The following DOK2 variants were observed in gnomAD, a reference collection of about 807,000 sequenced individuals.
DOK2 encodes the protein docking protein 2, 56kD.
DOK2 carries 28 observed loss-of-function variants against 26.0 expected under a neutral mutation model. That is an observed-to-expected ratio of 1.08 (90% CI 0.80 to 1.48). DOK2 has a LOEUF of 1.48. Among genes scored for constraint, DOK2 ranks in the 40% most tolerant of loss-of-function variants. DOK2 has a pLI of 0.00. For synonymous variants in DOK2, 282 were observed against 236.9 expected (o/e 1.19, Z -1.75); for missense variants, 682 against 558.2 (o/e 1.22, Z -2.23).
At chr8:21,911,189 C>G in intron 3 of DOK2, 1 of 301,946 alleles carries the variant, frequency 3.3e-6, no homozygotes, top group Admixed American at 4.7e-5. Flanking sequence ...AGCCACCACC[C>G]TAGTCCCTAC....
At chr8:21,911,788 A>T in intron 3 of DOK2, 113 bp downstream of exon 3, 1 of 1,192,198 alleles carries the variant, frequency 8.4e-7, no homozygotes, top group Non-Finnish European at 1.1e-6. Context: ...CAGGCTGGGG[A>T]TAACCACAAG....
intron 3 of DOK2, chr8:21,911,143 G>C (rs1809829284): frequency 6.9e-6 from 3 of 432,980 alleles, no homozygotes; most frequent in Non-Finnish European, 1.2e-5. Context: ...CAGAGCCACA[G>C]TCTTGTCTTC....
chr8:21,909,483 A>G lies in DOK2; in HGVS notation c.1067T>C (p.Leu356Pro). ...CCGGGGCTCCTGCGGGCTGTCATAG[A>G]GGGACAGGGCAGCCACTCCCTCGGG... is the stretch of plus-strand genomic sequence containing the variant. ...DEPEGVAALSLYDSPQEPRGE... is the reference protein window; with the variant it reads ...DEPEGVAALSPYDSPQEPRGE... Residue 356 changes from leucine (L) to proline (P), a missense_variant, in exon 5 of 5, where the codon CTC becomes CCC. Leu to Pro is a moderately conservative substitution (Grantham distance 98, BLOSUM62 -3). Coordinates refer to ENST00000276420, the MANE Select transcript of DOK2 (RefSeq NM_003974.4). 1 of 1,613,900 alleles carries G rather than the reference A, an allele frequency of 6.2e-7. No homozygotes were observed. Among genetic ancestry groups the G allele is most frequent in the South Asian group, 1.1e-5 (1 of 91,078 alleles).
rs780288303 is a variant in DOK2 at position 21,912,560 on chromosome 8, G to A, written c.64-50C>T. 14 of 1,450,336 alleles carry A rather than the reference G, an allele frequency of 9.7e-6. No individual in the cohort carries two copies. In the South Asian group the frequency reaches 1.4e-4, roughly 15 times the overall value. The allele number at this position is 1,450,336 out of a possible 1,614,324, so 89.8% of individuals were successfully genotyped here. On this transcript the variant is annotated intron_variant, in intron 1 of 4. Coordinates refer to ENST00000276420, the MANE Select transcript of DOK2 (RefSeq NM_003974.4). The stretch of plus-strand genomic sequence containing the variant: ...GGGCGGGAGGGAGCCACCCAGAGAC[G>A]GGGAGATCGTGAGCCAAGGGGAGAA...
rs183166963 is a variant in DOK2 at position 21,913,512 on chromosome 8, C to T, written c.63+27G>A. 9.3e-6 allele frequency: 15 copies of T among 1,613,706 alleles called. No homozygotes were observed. The Middle Eastern group carries it at 5.0e-4, about 53-fold the overall frequency. On this transcript the variant is annotated intron_variant, in intron 1 of 4. Coordinates refer to ENST00000276420, the MANE Select transcript of DOK2 (RefSeq NM_003974.4). Reference sequence around the variant, plus strand: ...TCTAGCAGCCTCCCAGGCCCCCTGCCCAACCCCAGCCCAGCCTCACTCCTA... The same window carrying T: ...TCTAGCAGCCTCCCAGGCCCCCTGCTCAACCCCAGCCCAGCCTCACTCCTA...
chr8:21,911,225 G>T (rs944870137), intron 3 of DOK2: 1 of 243,552 alleles, frequency 4.1e-6, no homozygotes, highest in African/African-American at 2.3e-5. Context: ...TGAAGCCTTG[G>T]CCCTGCCCTC....
chr8:21,909,594 G>T lies in DOK2; in HGVS notation c.956C>A (p.Ala319Glu), dbSNP rs545414060. Reference protein sequence around the residue: ...SLGKNFRGILAVPPQLLADPL... With the variant: ...SLGKNFRGILEVPPQLLADPL... ...GTCGGCCAGGAGCTGAGGAGGGACT[G>T]CCAAGATGCCCCTGAAGTTCTTCCC... Residue 319 changes from alanine (A) to glutamate (E), a missense_variant, in exon 5 of 5, where the codon GCA (alanine) becomes GAA (glutamate). Coordinates refer to ENST00000276420, the MANE Select transcript of DOK2 (RefSeq NM_003974.4). The T allele has an allele frequency of 5.0e-6, 8 of 1,614,002 alleles. No homozygotes were observed. The Admixed American group carries it at 1.0e-4, about 20-fold the overall frequency.
At chr8:21,912,540 G>C (rs765331663) in intron 1 of DOK2, 30 bp from the exon 2 acceptor site, 2 of 1,469,976 alleles carry the variant, frequency 1.4e-6, no homozygotes, top group Non-Finnish European at 1.8e-6. Context: ...GGCGGGGGCG[G>C]GAGGGAGCCA....
chr8:21,912,036 C>T, intron 2 of DOK2, 48 bp from the exon 3 acceptor site: 2 of 1,528,428 alleles, frequency 1.3e-6, no homozygotes, highest in South Asian at 1.2e-5. Flanking sequence ...TCCCCAGGCC[C>T]CCCTCTGGCC....
At position 21,909,966 on chromosome 8, in the gene DOK2, C is replaced by G. The variant is rs758465551; in HGVS notation, c.619-35G>C. ...GGAGAAAGCAGGTTATTGGCCAGGC[C>G]ACAGGGCAGGGGTGCATTTTTTTTT... On this transcript the variant is annotated intron_variant, in intron 4 of 4. Transcript: ENST00000276420. The G allele has an allele frequency of 3.8e-6, 6 of 1,576,800 alleles. No individual in the cohort carries two copies. The South Asian group carries it at 6.9e-5, about 18-fold the overall frequency.
intron 1 of DOK2, among the ~76,000 whole-genome samples, chr8:21,912,886 G>C (rs1346744221): frequency 6.6e-6 from 1 of 152,212 alleles, no homozygotes; most frequent in Non-Finnish European, 1.5e-5. Context: ...GGAGTGAGGA[G>C]GGCGGCGTGT....
At chr8:21,913,451 GT>G in intron 1 of DOK2, 87 bp downstream of exon 1, 1 of 1,528,024 alleles carries the variant, frequency 6.5e-7, no homozygotes. Flanking sequence ...ACCTATAAGG[GT>G]TTTGAATATG....
chr8:21,912,012 A>T lies in DOK2; in HGVS notation c.346-24T>A, dbSNP rs889127563. On this transcript the variant is annotated intron_variant, in intron 2 of 4. Transcript: ENST00000276420. ...CCCTAGGGAGGAGGCGCCCCGTCTC[A>T]TCACCTTCCCCGATCCCCAGGCCCC... 1.0e-5 allele frequency: 16 copies of T among 1,541,576 alleles called. No individual in the cohort carries two copies. In the African/African-American group the frequency reaches 2.2e-4, roughly 21 times the overall value.
rs1205035075 is a variant in DOK2, at chr8:21,913,678, G to A, written c.-77C>T. On this transcript the variant is annotated 5_prime_UTR_variant, in exon 1 of 5. Coordinates refer to ENST00000276420, the MANE Select transcript of DOK2 (RefSeq NM_003974.4). ...CTTGCCTCTCTCTTCTTAGCCGTGT[G>A]TTTCCCTTCTCTGAAGTTCATTTCC... is the stretch of plus-strand genomic sequence containing the variant. The A allele has an allele frequency of 1.3e-5, 20 of 1,547,560 alleles. No individual in the cohort carries two copies. Among genetic ancestry groups the A allele is most frequent in the Non-Finnish European group, 1.8e-5 (20 of 1,123,614 alleles).
At position 21,909,711 on chromosome 8, in the gene DOK2, G is replaced by T; in HGVS notation, c.839C>A (p.Pro280Gln). 2 of 1,613,356 alleles carry T rather than the reference G, an allele frequency of 1.2e-6. No individual in the cohort carries two copies. The highest frequency in any genetic ancestry group is 1.7e-6 in the Non-Finnish European group (2 of 1,180,012). ...AGGCACCGGTGTGGTGGGTGAAGGCGGCGGCAGTGAGTCATGCGGCCGAGA... is the reference window on the plus strand; with the variant it reads ...AGGCACCGGTGTGGTGGGTGAAGGCTGCGGCAGTGAGTCATGCGGCCGAGA... Reference protein sequence around the residue: ...PYSRPHDSLPPPSPTTPVPAP... With the variant: ...PYSRPHDSLPQPSPTTPVPAP... Residue 280 changes from proline to glutamine, a missense_variant, in exon 5 of 5, where the codon CCG (proline) becomes CAG (glutamine). Transcript: ENST00000276420.
chr8:21,913,243 A>G lies in DOK2; in HGVS notation c.63+296T>C, dbSNP rs374534615. Among the ~76,000 whole-genome samples the G allele has an allele frequency of 2.0e-5, 3 of 152,286 alleles. 1 individual carries two copies. Among genetic ancestry groups the G allele is most frequent in the African/African-American group, 4.8e-5 (2 of 41,550 alleles). On this transcript the variant is annotated intron_variant, in intron 1 of 4. Coordinates refer to ENST00000276420, the MANE Select transcript of DOK2 (RefSeq NM_003974.4). ...CCCTTCCAAGGTGTCCGGTGAAAAG[A>G]AGTCAACATAGAGCAAGAGAGCAAA...
chr8:21,909,538 G>T lies in DOK2; in HGVS notation c.1012C>A (p.Pro338Thr). Reference protein sequence around the residue: ...PLYDSIEETLPPRPDHIYDEP... With the variant: ...PLYDSIEETLTPRPDHIYDEP... Reference sequence around the variant, plus strand: ...TCGTATATGTGGTCAGGTCGAGGGGGCAGGGTCTCCTCAATGCTGTCGTAC... The same window carrying T: ...TCGTATATGTGGTCAGGTCGAGGGGTCAGGGTCTCCTCAATGCTGTCGTAC... Residue 338 changes from proline to threonine, a missense_variant, in exon 5 of 5, where the codon CCC becomes ACC. Coordinates refer to ENST00000276420, the MANE Select transcript of DOK2 (RefSeq NM_003974.4). The T allele has an allele frequency of 6.2e-7, 1 of 1,614,176 alleles. No individual in the cohort carries two copies. The highest frequency in any genetic ancestry group is 1.6e-4 in the Middle Eastern group (1 of 6,062).
chr8:21,912,703 G>A (rs1809907696), intron 1 of DOK2, 193 bp from the exon 2 acceptor site: 5 of 605,662 alleles, frequency 8.3e-6, no homozygotes, highest in African/African-American at 7.6e-5. Context: ...TTAGAAAATC[G>A]GAGATCAGCC....
chr8:21,912,530 G>T lies in DOK2; in HGVS notation c.64-20C>A. 6.8e-7 allele frequency: 1 copy of T among 1,480,620 alleles called. No homozygotes were observed. 91.7% of individuals were successfully genotyped at this position (1,480,620 alleles called of 1,614,324 possible). On this transcript the variant is annotated intron_variant, in intron 1 of 4. Coordinates refer to ENST00000276420, the MANE Select transcript of DOK2 (RefSeq NM_003974.4). ...CCATTTCTGTGCCAGAGGCGTGGGA[G>T]GCGGGGGCGGGAGGGAGCCACCCAG...
Sources: gnomAD v4.1 joint callset for allele counts (sites outside exome capture counted in the v4.1 genomes callset) on GRCh38, gnomAD v4.1.1 for gene constraint, MANE v1.5 for transcripts, NCBI Gene and HGNC (gene_info 2026-07-23, HGNC 2026-07-21) for gene names.